C3orf70: variants seen among roughly 807,000 people sequenced by gnomAD.
C3orf70 encodes UPF0524 protein C3orf70.
C3orf70 carries 15 observed loss-of-function variants against 20.7 expected under a neutral mutation model. That is an observed-to-expected ratio of 0.72 (90% CI 0.48 to 1.11). The LOEUF (loss-of-function observed/expected upper bound fraction) is 1.11. Among genes scored for constraint, C3orf70 ranks in the 50% most tolerant of loss-of-function variants. The pLI, the probability that C3orf70 is intolerant of heterozygous loss-of-function variation, is 0.00. For missense variants in C3orf70, 332 were observed against 317.6 expected, an observed-to-expected ratio of 1.05 and a Z score of -0.34; for synonymous variants, 161 against 125.7, an observed-to-expected ratio of 1.28 and a Z score of -1.88.
intron 1 of C3orf70, among the ~76,000 whole-genome samples, chr3:185,142,293 T>C (rs1448176353): frequency 1.3e-5 from 2 of 151,840 alleles, no homozygotes; most frequent in Non-Finnish European, 2.9e-5. Flanking sequence ...CCCCCCTCTC[T>C]ACAAAAATAA....
chr3:185,085,709 G>T (rs919206366), intron 1 of C3orf70, among the ~76,000 whole-genome samples: 7 of 134,816 alleles, frequency 5.2e-5, no homozygotes, highest in African/African-American at 1.7e-4. Flanking sequence ...CAGGTCAGAT[G>T]TAAGAGGTGG....
intron 1 of C3orf70, among the ~76,000 whole-genome samples, chr3:185,108,542 C>G (rs1715994818): frequency 6.6e-6 from 1 of 152,246 alleles, no homozygotes; most frequent in Non-Finnish European, 1.5e-5. Context: ...TCATACACCT[C>G]TTTCTTCCAG....
At chr3:185,147,328 A>T (rs1396310685) in intron 1 of C3orf70, among the ~76,000 whole-genome samples, 1 of 152,162 alleles carries the variant, frequency 6.6e-6, no homozygotes, top group African/African-American at 2.4e-5. Context: ...CCTTCTAATT[A>T]CTTTCTCTTC....
intron 1 of C3orf70, among the ~76,000 whole-genome samples, chr3:185,087,066 T>A (rs182197146): frequency 1.3e-5 from 2 of 152,148 alleles, no homozygotes; most frequent in Admixed American, 6.5e-5. Context: ...GATTCAATTA[T>A]GTTTACTATG....
At chr3:185,084,276 A>AT (rs1339757793) in intron 1 of C3orf70, among the ~76,000 whole-genome samples, 7 of 151,884 alleles carry the variant, frequency 4.6e-5, no homozygotes, top group African/African-American at 1.7e-4. Context: ...TAATGTATAT[A>AT]TTTTTCCAGT....
intron 1 of C3orf70, among the ~76,000 whole-genome samples, chr3:185,130,543 AC>A (rs572539483): frequency 6.4e-4 from 97 of 152,300 alleles, no homozygotes; most frequent in Middle Eastern, 6.8e-3. Flanking sequence ...TTGTACAAAT[AC>A]CACTACCATC....
At chr3:185,128,539 AAC>A (rs1561358746) in intron 1 of C3orf70, among the ~76,000 whole-genome samples, 10 of 151,728 alleles carry the variant, frequency 6.6e-5, no homozygotes, top group African/African-American at 1.9e-4. Context: ...AAAAAAAAAA[AAC>A]AACAAAACCC....
intron 1 of C3orf70, among the ~76,000 whole-genome samples, chr3:185,141,726 A>G (rs1020600515): frequency 6.6e-6 from 1 of 151,974 alleles, no homozygotes; most frequent in African/African-American, 2.4e-5. Context: ...TAGGTTAGTG[A>G]GTATTATGAT....
chr3:185,109,286 G>A lies in C3orf70; in HGVS notation c.197-25723C>T, dbSNP rs575199066. On this transcript the variant is annotated intron_variant, in intron 1 of 1. Coordinates refer to ENST00000335012, the MANE Select transcript of C3orf70 (RefSeq NM_001025266.3). ...AACAATTGGTTTGGTGGAGAGATCC[G>A]ATAACAAAAAGTTAGGACATAGATA... Among the ~76,000 whole-genome samples the A allele has an allele frequency of 8.8e-4, 134 of 152,294 alleles. No individual in the cohort carries two copies. The Middle Eastern group carries it at 0.014, about 16-fold the overall frequency.
chr3:185,107,995 C>T (rs939724796), intron 1 of C3orf70, among the ~76,000 whole-genome samples: 1 of 152,204 alleles, frequency 6.6e-6, no homozygotes, highest in Admixed American at 6.5e-5. Flanking sequence ...GATAGGGATT[C>T]GGAGAACTCA....
chr3:185,150,498 A>G (rs73191000), intron 1 of C3orf70, among the ~76,000 whole-genome samples: 28,363 of 134,288 alleles, frequency 0.21, 3,010 homozygotes, highest in East Asian at 0.43. Context: ...GTGTCCAAAA[A>G]TATAAGTGTG....
At chr3:185,127,869 A>G (rs1360924424) in intron 1 of C3orf70, among the ~76,000 whole-genome samples, 2 of 152,176 alleles carry the variant, frequency 1.3e-5, no homozygotes. Context: ...AACAACTTTT[A>G]TGAGTTAAGG....
At chr3:185,092,119 G>T (rs1577319108) in intron 1 of C3orf70, among the ~76,000 whole-genome samples, 2 of 151,104 alleles carry the variant, frequency 1.3e-5, no homozygotes. Context: ...TTTTGAAATT[G>T]TTTATCTCAT....
rs183776841 is a variant in C3orf70, at chr3:185,079,491, A to G, written c.*3516T>C. 151 of 152,246 alleles carry G rather than the reference A, an allele frequency of 9.9e-4. No individual in the cohort carries two copies. The highest frequency in any genetic ancestry group is 3.3e-3 in the African/African-American group (138 of 41,550). The allele number at this position is 152,246 out of a possible 1,614,324, so 9.4% of individuals were successfully genotyped here. A position where few individuals can be genotyped will look rare whatever the true frequency, so the allele number is the denominator to read the frequency against. On this transcript the variant is annotated 3_prime_UTR_variant, in exon 2 of 2. Transcript: ENST00000335012. ...GGCTGTCCTCAGATTCTTATTTCATATCTTAAAAATGACATAGTAAAAAAG... is the reference window on the plus strand; with the variant it reads ...GGCTGTCCTCAGATTCTTATTTCATGTCTTAAAAATGACATAGTAAAAAAG...
At chr3:185,139,490 T>A (rs1212107623) in intron 1 of C3orf70, among the ~76,000 whole-genome samples, 1 of 149,528 alleles carries the variant, frequency 6.7e-6, no homozygotes, top group Non-Finnish European at 1.5e-5. Flanking sequence ...GAGGCAGAGG[T>A]TGCAGTCAGC....
intron 1 of C3orf70, among the ~76,000 whole-genome samples, chr3:185,121,753 G>A (rs954629854): frequency 1.3e-5 from 2 of 152,154 alleles, no homozygotes; most frequent in Non-Finnish European, 2.9e-5. Context: ...AAGGCCCAAT[G>A]ATAGGCTATC....
intron 1 of C3orf70, among the ~76,000 whole-genome samples, chr3:185,134,636 A>G (rs1249402718): frequency 6.6e-6 from 1 of 152,174 alleles, no homozygotes; most frequent in African/African-American, 2.4e-5. Context: ...ACCTAAAATG[A>G]CAAAAAAAAC....
intron 1 of C3orf70, among the ~76,000 whole-genome samples, chr3:185,086,343 G>A (rs1197056003): frequency 1.3e-5 from 2 of 152,076 alleles, no homozygotes; most frequent in Non-Finnish European, 2.9e-5. Context: ...GTATCCCCAC[G>A]AACTTCATGT....
intron 1 of C3orf70, among the ~76,000 whole-genome samples, chr3:185,147,173 A>C (rs1383470035): frequency 1.3e-5 from 2 of 151,920 alleles, no homozygotes; most frequent in Non-Finnish European, 2.9e-5. Flanking sequence ...ATCAAGTCCC[A>C]CTCTTCCTGC....
Sources: allele counts gnomAD v4.1 joint callset (sites outside exome capture counted in the v4.1 genomes callset), GRCh38; gene constraint gnomAD v4.1.1; transcripts MANE v1.5; gene names NCBI Gene and HGNC (gene_info 2026-07-23, HGNC 2026-07-21).